The following DPP6 variants were observed in gnomAD, a reference collection of about 807,000 sequenced individuals.
DPP6 encodes A-type potassium channel modulatory protein DPP6.
DPP6 carries 69 observed loss-of-function variants against 122.6 expected under a neutral mutation model. That is an observed-to-expected ratio of 0.56 (90% CI 0.46 to 0.69). The LOEUF is 0.69. Ranked by LOEUF, DPP6 falls within the 30% of genes least tolerant of loss-of-function variation. The pLI is 0.00. For missense variants in DPP6, 928 were observed against 1,116.9 expected (o/e 0.83, Z 2.41); for synonymous variants, 418 against 433.1 (o/e 0.97, Z 0.43).
chr7:153,787,685 G>A, the DPP6 span, among the ~76,000 whole-genome samples: 1 of 150,456 alleles, frequency 6.6e-6, no homozygotes, highest in Non-Finnish European at 1.5e-5. Flanking sequence ...TGGGAGAATT[G>A]ATTGAGTCCA....
intron 1 of DPP6, among the ~76,000 whole-genome samples, chr7:154,292,565 G>A (rs1000530088): frequency 3.9e-5 from 6 of 152,168 alleles, no homozygotes; most frequent in Admixed American, 1.3e-4. Flanking sequence ...TAAATATGTC[G>A]AAAATGGGAA....
intron 3 of DPP6, among the ~76,000 whole-genome samples, chr7:154,494,931 G>C (rs1247306615): frequency 1.3e-5 from 2 of 152,208 alleles, no homozygotes. Context: ...GCTTTCTCGA[G>C]ATACAGACAG....
chr7:154,531,019 A>G (rs990893623), intron 3 of DPP6, among the ~76,000 whole-genome samples: 8 of 152,108 alleles, frequency 5.3e-5, no homozygotes, highest in Non-Finnish European at 1.5e-5. Context: ...GGGGAGGGAG[A>G]ACATCAGGAA....
Position 154,818,079 on chromosome 7 carries a change from G to T in DPP6, c.1666+10967G>T, listed in dbSNP as rs907966824. 8.5e-5 allele frequency among the ~76,000 whole-genome samples: 13 copies of T among 152,186 alleles called. 1 individual carries two copies. The highest frequency in any genetic ancestry group is 3.1e-4 in the African/African-American group (13 of 41,436). ...ATCCTAAAACTCACCTTGTACTGCA[G>T]AATGAGGTGAAGGGGCTTATTTTTT... On this transcript the variant is annotated intron_variant, in intron 16 of 25. Coordinates refer to ENST00000377770, the MANE Select transcript of DPP6 (RefSeq NM_130797.4).
At chr7:154,430,702 C>A (rs572242587) in intron 1 of DPP6, among the ~76,000 whole-genome samples, 2 of 152,152 alleles carry the variant, frequency 1.3e-5, no homozygotes, top group Non-Finnish European at 2.9e-5. Context: ...TGATAGCCAC[C>A]GTGTGTTGAC....
chr7:154,287,368 G>A (rs1014985111), intron 1 of DPP6, among the ~76,000 whole-genome samples: 5 of 152,198 alleles, frequency 3.3e-5, no homozygotes, highest in Admixed American at 6.5e-5. Flanking sequence ...TAGATACAAC[G>A]GGTTTCATTC....
At chr7:154,215,923 A>G (rs779849069) in intron 1 of DPP6, among the ~76,000 whole-genome samples, 1 of 152,048 alleles carries the variant, frequency 6.6e-6, no homozygotes, top group Non-Finnish European at 1.5e-5. Flanking sequence ...CCAACCAAAC[A>G]ACAGCATGAA....
chr7:154,221,241 A>G (rs1169747605), intron 1 of DPP6, among the ~76,000 whole-genome samples: 2 of 152,120 alleles, frequency 1.3e-5, no homozygotes, highest in Non-Finnish European at 1.5e-5. Flanking sequence ...CCCGGGTTCA[A>G]GCAATTCTCC....
intron 1 of DPP6, among the ~76,000 whole-genome samples, chr7:154,298,063 G>C (rs1199268313): frequency 2.0e-5 from 3 of 152,128 alleles, no homozygotes; most frequent in African/African-American, 7.2e-5. Context: ...CTACCATGTG[G>C]GTGGGCCTCG....
rs2150455598 is a variant in DPP6, at chr7:154,803,739, G to GA, written c.1408-124dup. 5 of 1,401,860 alleles carry GA rather than the reference G, an allele frequency of 3.6e-6. No individual in the cohort carries two copies. In the South Asian group the frequency reaches 5.9e-5, roughly 16 times the overall value. The allele number at this position is 1,401,860 out of a possible 1,614,324, so 86.8% of individuals were successfully genotyped here. A position where few individuals can be genotyped will look rare whatever the true frequency, so the allele number is the denominator to read the frequency against. ...GAGAGGAGCAGGCAGAAGGGGCAGA[G>GA]AGCCCTTCCCACAGAGAGAATGGCA... is the stretch of plus-strand genomic sequence containing the variant. On this transcript the variant is annotated intron_variant, in intron 13 of 25. Coordinates refer to ENST00000377770, the MANE Select transcript of DPP6 (RefSeq NM_130797.4).
At chr7:154,397,383 A>G (rs545646454) in intron 1 of DPP6, among the ~76,000 whole-genome samples, 1 of 152,294 alleles carries the variant, frequency 6.6e-6, no homozygotes, top group South Asian at 2.1e-4. Flanking sequence ...GAAGAATCAC[A>G]TTTTAGTTTT....
chr7:153,813,166 C>T, the DPP6 span, among the ~76,000 whole-genome samples: 1 of 151,212 alleles, frequency 6.6e-6, no homozygotes, highest in Non-Finnish European at 1.5e-5. Flanking sequence ...CTATCCCTCC[C>T]CCTTCCCCCA....
chr7:154,015,940 C>T (rs1169418616), intron 1 of DPP6, among the ~76,000 whole-genome samples: 1 of 152,170 alleles, frequency 6.6e-6, no homozygotes, highest in Admixed American at 6.5e-5. Flanking sequence ...CCTTACTGAC[C>T]TCTAATGGTG....
chr7:153,948,563 C>T (rs1011453836), intron 1 of DPP6, among the ~76,000 whole-genome samples: 2 of 151,806 alleles, frequency 1.3e-5, no homozygotes, highest in African/African-American at 4.8e-5. Flanking sequence ...AATGTTAATA[C>T]TGAGATAATT....
intron 7 of DPP6, among the ~76,000 whole-genome samples, chr7:154,726,219 G>A (rs972836292): frequency 6.6e-6 from 1 of 152,196 alleles, no homozygotes; most frequent in East Asian, 1.9e-4. Context: ...CCACTAGGCA[G>A]TGCCCCAGTG....
At chr7:153,756,777 A>G in the DPP6 span, among the ~76,000 whole-genome samples, 4 of 151,770 alleles carry the variant, frequency 2.6e-5, no homozygotes, top group Admixed American at 2.0e-4. Context: ...AATTACTTTT[A>G]TGACTTCCAG....
At chr7:154,561,251 A>G (rs983067894) in intron 4 of DPP6, among the ~76,000 whole-genome samples, 41 of 152,352 alleles carry the variant, frequency 2.7e-4, no homozygotes, top group African/African-American at 7.7e-4. Context: ...AACCAAGTCA[A>G]CCGAATTGAC....
chr7:154,683,308 G>A (rs1005154248), intron 7 of DPP6, among the ~76,000 whole-genome samples: 3 of 152,178 alleles, frequency 2.0e-5, no homozygotes, highest in African/African-American at 7.2e-5. Flanking sequence ...TCCAGACTCA[G>A]TTCATTCATA....
At chr7:154,297,945 G>C (rs562081653) in intron 1 of DPP6, among the ~76,000 whole-genome samples, 1 of 152,172 alleles carries the variant, frequency 6.6e-6, no homozygotes, top group Non-Finnish European at 1.5e-5. Flanking sequence ...GCTAGGCCAC[G>C]GTACCCAGCT....
Sources: allele counts gnomAD v4.1 joint callset (sites outside exome capture counted in the v4.1 genomes callset), GRCh38; gene constraint gnomAD v4.1.1; transcripts MANE v1.5; gene names NCBI Gene and HGNC (gene_info 2026-07-23, HGNC 2026-07-21).